PRKDC: variants seen among roughly 807,000 people sequenced by gnomAD.
PRKDC encodes the protein protein kinase, DNA-activated, catalytic subunit, also known as DNA-dependent protein kinase catalytic subunit.
Under a neutral mutation model 486.9 loss-of-function variants are expected in PRKDC, and 82 were observed. That is an observed-to-expected ratio of 0.17 (90% CI 0.14 to 0.20). The LOEUF is 0.20. PRKDC is among the 10% of genes least tolerant of loss of function. The probability of loss-of-function intolerance (pLI) is 1.00; values close to 1 mark genes in which losing one functional copy is unlikely to be tolerated. For synonymous variants in PRKDC, 1,895 were observed against 1,837.0 expected, an observed-to-expected ratio of 1.03 and a Z score of -0.81; for missense variants, 4,504 against 5,038.2, an observed-to-expected ratio of 0.89 and a Z score of 3.21.
At chr8:47,899,255 T>G (rs1246647928) in intron 28 of PRKDC, among the ~76,000 whole-genome samples, 1 of 152,166 alleles carries the variant, frequency 6.6e-6, no homozygotes, top group Admixed American at 6.5e-5. Context: ...CAAAGCAAAT[T>G]TAAGCAATTT....
Position 47,918,681 on chromosome 8 carries a change from T to G in PRKDC, c.2420-298A>C, listed in dbSNP as rs1032698241. 5.5e-4 allele frequency among the ~76,000 whole-genome samples: 84 copies of G among 152,254 alleles called. 1 individual carries two copies. Among genetic ancestry groups the G allele is most frequent in the African/African-American group, 1.9e-3 (78 of 41,558 alleles). On this transcript the variant is annotated intron_variant, in intron 21 of 85. Transcript: ENST00000314191. ...CACTCGGGCCAAATCTGGGACAATG[T>G]GGGCTTCAAAACCAATCATGATGGC... is the stretch of plus-strand genomic sequence containing the variant.
Position 47,927,299 on chromosome 8 carries a change from C to T in PRKDC, c.2314G>A (p.Ala772Thr), listed in dbSNP as rs1482631709. The T allele has an allele frequency of 6.2e-7, 1 of 1,613,604 alleles. No homozygotes were observed. Among genetic ancestry groups the T allele is most frequent in the East Asian group, 2.2e-5 (1 of 44,888 alleles). Reference sequence around the variant, plus strand: ...ATATAAATTGACCATTCTTCTAGAGCATTCAGGCCTACTTCTGCCAAGGGG... The same window carrying T: ...ATATAAATTGACCATTCTTCTAGAGTATTCAGGCCTACTTCTGCCAAGGGG... ...YTPLAEVGLN[A>T]LEEWSIYIDR... Residue 772 changes from alanine (A) to threonine (T), a missense_variant, in exon 21 of 86, where the codon GCT becomes ACT. Physicochemically the swap from Ala to Thr is moderately conservative, Grantham distance 58. Coordinates refer to ENST00000314191, the MANE Select transcript of PRKDC (RefSeq NM_006904.7).
intron 7 of PRKDC, among the ~76,000 whole-genome samples, 153 bp downstream of exon 7, chr8:47,953,467 G>A (rs183816888): frequency 5.3e-5 from 8 of 152,310 alleles, no homozygotes; most frequent in East Asian, 3.9e-4. Context: ...GTCATCATCA[G>A]GGGAACTCGG....
chr8:47,894,685 T>G (rs1390564299), intron 30 of PRKDC, among the ~76,000 whole-genome samples: 1 of 152,178 alleles, frequency 6.6e-6, no homozygotes. Context: ...ACCCTGCACC[T>G]GTCGTCAAGC....
At position 47,957,223 on chromosome 8, in the gene PRKDC, A is replaced by G. The variant is rs770788383; in HGVS notation, c.272T>C (p.Ile91Thr). Residue 91 changes from isoleucine (I) to threonine (T), a missense_variant, in exon 3 of 86, where the codon ATT becomes ACT. By Grantham distance (89) the Ile-to-Thr change is moderately conservative. Transcript: ENST00000314191. The stretch of plus-strand genomic sequence containing the variant: ...CTTCTGGCCCATTTTTTCTAAGAAA[A>G]TACATAAAAACTTTAGGATTTCTTC... ...CREEILKFLC[I>T]FLEKMGQKIA... is the part of the protein sequence containing the mutation. 1.9e-6 allele frequency: 3 copies of G among 1,602,302 alleles called. No homozygotes were observed. The South Asian group carries it at 3.3e-5, about 18-fold the overall frequency.
At chr8:47,828,688 G>A (rs771199890) in intron 61 of PRKDC, among the ~76,000 whole-genome samples, 7 of 152,134 alleles carry the variant, frequency 4.6e-5, no homozygotes, top group Admixed American at 1.3e-4. Context: ...ATTGGGCTGC[G>A]GGGAAGATTA....
At chr8:47,856,933 C>A (rs781664094) in intron 49 of PRKDC, among the ~76,000 whole-genome samples, 1 of 152,166 alleles carries the variant, frequency 6.6e-6, no homozygotes, top group Non-Finnish European at 1.5e-5. Context: ...CACCTGACAG[C>A]TTCATAATAA....
At chr8:47,933,315 TG>T (rs2090289712) in intron 15 of PRKDC, 143 bp from the exon 16 acceptor site, 2 of 655,138 alleles carry the variant, frequency 3.1e-6, no homozygotes, top group South Asian at 6.1e-5. Context: ...CAGATTTACC[TG>T]GAAGTTTTCA....
intron 71 of PRKDC, among the ~76,000 whole-genome samples, chr8:47,800,302 T>C (rs1316254451): frequency 6.6e-6 from 1 of 152,098 alleles, no homozygotes; most frequent in African/African-American, 2.4e-5. Flanking sequence ...GTTCATGTCC[T>C]TTGTAGGGAC....
chr8:47,917,140 A>C (rs1323515923), intron 22 of PRKDC, among the ~76,000 whole-genome samples: 1 of 152,150 alleles, frequency 6.6e-6, no homozygotes, highest in African/African-American at 2.4e-5. Flanking sequence ...CTGTGGTCCC[A>C]GCTACTCGGG....
intron 85 of PRKDC, among the ~76,000 whole-genome samples, chr8:47,776,343 C>T (rs1426974755): frequency 6.6e-6 from 1 of 152,092 alleles, no homozygotes; most frequent in Non-Finnish European, 1.5e-5. Flanking sequence ...TTTTTTCATT[C>T]CTATGAATCA....
At chr8:47,861,001 A>G in intron 44 of PRKDC, 30 bp from the exon 45 acceptor site, 1 of 1,424,718 alleles carries the variant, frequency 7.0e-7, no homozygotes, top group Non-Finnish European at 9.6e-7. Flanking sequence ...AACAATGTAA[A>G]ACATTTTATA....
intron 11 of PRKDC, among the ~76,000 whole-genome samples, chr8:47,938,603 C>T (rs1315461297): frequency 6.6e-6 from 1 of 151,872 alleles, no homozygotes; most frequent in African/African-American, 2.4e-5. Flanking sequence ...TCTCTGTTGC[C>T]CAGATTGGAG....
chr8:47,938,567 T>A (rs2090391754), intron 11 of PRKDC, among the ~76,000 whole-genome samples: 1 of 151,790 alleles, frequency 6.6e-6, no homozygotes, highest in African/African-American at 2.4e-5. Flanking sequence ...ATTTTTTCTT[T>A]AAAAAAAAAT....
intron 57 of PRKDC, 133 bp from the exon 58 acceptor site, chr8:47,836,660 C>G (rs2154499733): frequency 2.4e-6 from 2 of 819,454 alleles, no homozygotes; most frequent in South Asian, 4.7e-5. Context: ...TCATATGCAG[C>G]TGAAGAAGAA....
chr8:47,872,440 T>C (rs1451405301), intron 40 of PRKDC, among the ~76,000 whole-genome samples: 1 of 148,658 alleles, frequency 6.7e-6, no homozygotes, highest in Non-Finnish European at 1.5e-5. Flanking sequence ...AACAACAACA[T>C]TGAATGTAAA....
chr8:47,936,448 T>G lies in PRKDC; in HGVS notation c.1183A>C (p.Met395Leu). ...CCAGTGTCTGTCTGGGTGAGGAACA[T>G]CTGCTTGCAGCGCTGAATGAGCTCA... The part of the protein sequence containing the change: ...YVELIQRCKQ[M>L]FLTQTDTGDD... The change falls in exon 12 of 86, where the codon ATG (methionine) becomes CTG (leucine). Residue 395 changes from methionine (M) to leucine (L), a missense_variant. By Grantham distance (15) the Met-to-Leu change is conservative (BLOSUM62 2). Around this residue, in one of 6 missense-constraint regions of PRKDC, gnomAD observed 1,969 missense variants for 2,068.9 expected, o/e 0.95. Transcript: ENST00000314191. 6.2e-7 allele frequency: 1 copy of G among 1,614,020 alleles called. No individual in the cohort carries two copies. Among genetic ancestry groups the G allele is most frequent in the Non-Finnish European group, 8.5e-7 (1 of 1,179,886 alleles).
intron 40 of PRKDC, among the ~76,000 whole-genome samples, chr8:47,865,461 C>A (rs2088787089): frequency 6.6e-6 from 1 of 152,014 alleles, no homozygotes; most frequent in Admixed American, 6.6e-5. Context: ...TGCTATTTCC[C>A]AAACAGAAAT....
In PRKDC at chr8:47,837,312, A is replaced by C; in HGVS notation, c.7661T>G (p.Phe2554Cys). The C allele has an allele frequency of 6.2e-7, 1 of 1,613,574 alleles. No individual in the cohort carries two copies. The highest frequency in any genetic ancestry group is 8.5e-7 in the Non-Finnish European group (1 of 1,179,516). The change falls in exon 57 of 86, where the codon TTT becomes TGT. Residue 2554 changes from phenylalanine (F) to cysteine (C), a missense_variant. By Grantham distance (205) the Phe-to-Cys change is radical. Transcript: ENST00000314191. ...CAGAAAATTTGTTGCTAAACTTAAAAAGTGCACTTCTATCTTAGGAGAATA... is the reference window on the plus strand; with the variant it reads ...CAGAAAATTTGTTGCTAAACTTAAACAGTGCACTTCTATCTTAGGAGAATA... The part of the protein sequence containing the change: ...SLYSPKIEVH[F>C]LSLATNFLLE...
Sources: gnomAD v4.1 joint callset for allele counts (sites outside exome capture counted in the v4.1 genomes callset) on GRCh38, gnomAD v4.1.1 for gene constraint, gnomAD v4.1.1 regional missense constraint, MANE v1.5 for transcripts, NCBI Gene and HGNC (gene_info 2026-07-23, HGNC 2026-07-21) for gene names.